Variants in RABGAP1L observed in about 807,000 individuals in gnomAD.
RABGAP1L encodes rab GTPase-activating protein 1-like.
Under a neutral mutation model 137.7 loss-of-function variants are expected in RABGAP1L, and 63 were observed. The observed-to-expected ratio is 0.46, with a 90% CI of 0.37 to 0.56. The LOEUF is 0.56. Among genes scored for constraint, RABGAP1L ranks in the 20% least tolerant of loss-of-function variants. RABGAP1L has a pLI of 0.00. For synonymous variants in RABGAP1L, 431 were observed against 433.7 expected (o/e 0.99, Z 0.08); for missense variants, 1,095 against 1,244.0 (o/e 0.88, Z 1.80).
chr1:174,880,077 AGG>A (rs1558183212), intron 19 of RABGAP1L, among the ~76,000 whole-genome samples: 1 of 114,364 alleles, frequency 8.7e-6, no homozygotes, highest in Admixed American at 7.8e-5. Context: ...AAAAAAAAAA[AGG>A]AAAAAAAAAC....
chr1:174,619,565 A>C (rs1329938394), intron 13 of RABGAP1L, among the ~76,000 whole-genome samples: 1 of 152,130 alleles, frequency 6.6e-6, no homozygotes, highest in East Asian at 1.9e-4. Flanking sequence ...GGAGAAATAA[A>C]CTCCTTTACA....
At chr1:174,739,734 G>A (rs1683229135) in intron 17 of RABGAP1L, among the ~76,000 whole-genome samples, 2 of 152,154 alleles carry the variant, frequency 1.3e-5, no homozygotes, top group South Asian at 2.1e-4. Context: ...GTGAACTCAG[G>A]TAAATCATCT....
intron 19 of RABGAP1L, among the ~76,000 whole-genome samples, chr1:174,886,354 G>A (rs1655128510): frequency 6.6e-6 from 1 of 152,180 alleles, no homozygotes; most frequent in Non-Finnish European, 1.5e-5. Flanking sequence ...TGCGCAAGCT[G>A]AACGTGTAAT....
At chr1:174,892,448 C>T (rs1171020111) in intron 19 of RABGAP1L, 7 of 439,616 alleles carry the variant, frequency 1.6e-5, no homozygotes, top group South Asian at 3.4e-5. Context: ...TGTTCATCAG[C>T]GTTATTTGTG....
chr1:174,717,457 A>T (rs930554630), intron 17 of RABGAP1L, among the ~76,000 whole-genome samples: 1 of 152,180 alleles, frequency 6.6e-6, no homozygotes, highest in East Asian at 1.9e-4. Context: ...ATAAATATCC[A>T]ATAGTACTGA....
At chr1:174,175,056 CA>C (rs1665721495) in intron 1 of RABGAP1L, among the ~76,000 whole-genome samples, 1 of 151,990 alleles carries the variant, frequency 6.6e-6, no homozygotes, top group Admixed American at 6.5e-5. Flanking sequence ...GGATGAAAAC[CA>C]GGGGGTAAAC....
At chr1:174,816,625 A>T (rs1305121806) in intron 19 of RABGAP1L, among the ~76,000 whole-genome samples, 2 of 151,888 alleles carry the variant, frequency 1.3e-5, no homozygotes, top group African/African-American at 4.8e-5. Context: ...ATGATTTATG[A>T]TTCAGTATTT....
intron 13 of RABGAP1L, among the ~76,000 whole-genome samples, chr1:174,492,211 A>C (rs1384185579): frequency 7.8e-5 from 9 of 115,376 alleles, no homozygotes; most frequent in East Asian, 4.8e-4. Context: ...ACAAAATTTC[A>C]CTCTTATTGC....
intron 13 of RABGAP1L, among the ~76,000 whole-genome samples, chr1:174,417,654 A>G (rs1281623656): frequency 6.6e-6 from 1 of 152,208 alleles, no homozygotes; most frequent in East Asian, 1.9e-4. Context: ...ATGGATTTGT[A>G]TTAATTGCTA....
At chr1:174,942,940 T>C (rs1204310861) in intron 19 of RABGAP1L, among the ~76,000 whole-genome samples, 1 of 152,170 alleles carries the variant, frequency 6.6e-6, no homozygotes, top group African/African-American at 2.4e-5. Flanking sequence ...GCAGAAACTA[T>C]CTTCTTTGTC....
Position 174,596,889 on chromosome 1 carries a change from A to C in RABGAP1L, c.1711-40486A>C, listed in dbSNP as rs569482582. 1.2e-4 allele frequency among the ~76,000 whole-genome samples: 18 copies of C among 152,142 alleles called. No homozygotes were observed. The East Asian group carries it at 3.3e-3, about 28-fold the overall frequency. ...GTGTGTTGAAGTATGTTTCTTCTCT[A>C]TCCAGTTTTTTTAGGTTTTTTTAAA... On this transcript the variant is annotated intron_variant, in intron 13 of 25. Transcript: ENST00000681986.
chr1:174,772,116 T>G (rs922500923), intron 18 of RABGAP1L, among the ~76,000 whole-genome samples: 1 of 151,820 alleles, frequency 6.6e-6, no homozygotes, highest in Admixed American at 6.6e-5. Flanking sequence ...AAGAATTGCT[T>G]GAAGCCGGGA....
intron 13 of RABGAP1L, among the ~76,000 whole-genome samples, chr1:174,470,179 T>G (rs1657752979): frequency 6.6e-6 from 1 of 152,184 alleles, no homozygotes; most frequent in Admixed American, 6.6e-5. Context: ...TATCATTCCA[T>G]GTATTGATCC....
chr1:174,722,714 G>T (rs1681670378), intron 17 of RABGAP1L, among the ~76,000 whole-genome samples: 1 of 151,960 alleles, frequency 6.6e-6, no homozygotes, highest in African/African-American at 2.4e-5. Flanking sequence ...GCCTCCCAAA[G>T]TACTGGGATT....
chr1:174,575,747 G>T (rs763468982), intron 13 of RABGAP1L, among the ~76,000 whole-genome samples: 1 of 152,112 alleles, frequency 6.6e-6, no homozygotes, highest in South Asian at 2.1e-4. Context: ...GCAATGCAGC[G>T]GGGCTCTCTT....
At chr1:174,931,989 G>GTTTTTTTTTTT (rs1558247691) in intron 19 of RABGAP1L, among the ~76,000 whole-genome samples, 1 of 94,182 alleles carries the variant, frequency 1.1e-5, no homozygotes. Context: ...CTGCTTTTTT[G>GTTTTTTTTTTT]GTTTTTTTTT....
At chr1:174,237,820 C>A (rs1303908125) in intron 4 of RABGAP1L, among the ~76,000 whole-genome samples, 4 of 150,052 alleles carry the variant, frequency 2.7e-5, no homozygotes, top group African/African-American at 1.0e-4. Context: ...GTTGGCCTGC[C>A]TTACTAGATT....
At chr1:174,546,374 T>A (rs1666011259) in intron 13 of RABGAP1L, among the ~76,000 whole-genome samples, 3 of 152,202 alleles carry the variant, frequency 2.0e-5, no homozygotes, top group African/African-American at 7.2e-5. Flanking sequence ...TATAAATATA[T>A]TGAGATAGTG....
intron 13 of RABGAP1L, among the ~76,000 whole-genome samples, chr1:174,417,464 G>A (rs909868519): frequency 3.9e-5 from 6 of 152,158 alleles, no homozygotes; most frequent in African/African-American, 1.4e-4. Flanking sequence ...AGTTCTACTG[G>A]CTTGTTTGTT....
Sources: gnomAD v4.1 joint callset for allele counts (sites outside exome capture counted in the v4.1 genomes callset) on GRCh38, gnomAD v4.1.1 for gene constraint, MANE v1.5 for transcripts, NCBI Gene and HGNC (gene_info 2026-07-23, HGNC 2026-07-21) for gene names.